The following PARVG variants were observed in gnomAD, a reference collection of about 807,000 sequenced individuals.
PARVG encodes gamma-parvin.
A neutral mutation model predicts 44.4 loss-of-function variants in PARVG; 36 were observed. The ratio of observed to expected loss-of-function variants is 0.81; its 90% CI spans 0.62 to 1.07. The LOEUF (loss-of-function observed/expected upper bound fraction) is 1.07, where lower values mean the gene tolerates loss of function less well. PARVG is among the 50% of genes least tolerant of loss of function. PARVG has a pLI of 0.00. For synonymous variants in PARVG, 170 were observed against 174.1 expected (o/e 0.98, Z 0.19); for missense variants, 407 against 407.4 (o/e 1.00, Z 0.01).
At chr22:44,200,404 G>C (rs1402747169) in intron 12 of PARVG, among the ~76,000 whole-genome samples, 1 of 152,186 alleles carries the variant, frequency 6.6e-6, no homozygotes, top group African/African-American at 2.4e-5. Context: ...CCCCTACTCA[G>C]GCCACACAGG....
intron 2 of PARVG, 53 bp from the exon 3 acceptor site, chr22:44,183,265 G>A (rs1289209571): frequency 6.6e-7 from 1 of 1,509,420 alleles, no homozygotes; most frequent in Non-Finnish European, 8.9e-7. Context: ...GAGGGGCTCA[G>A]TGAGTTTGGG....
intron 3 of PARVG, chr22:44,183,754 G>C: frequency 2.5e-6 from 1 of 402,332 alleles, no homozygotes; most frequent in Non-Finnish European, 4.4e-6. Context: ...GCTTTATACA[G>C]ATGAGGAAAC....
Position 44,192,024 on chromosome 22 carries a change from T to C in PARVG, c.505-25T>C, listed in dbSNP as rs1354024323. ...CCCCAGAGTTTTCTGGATTATTTAA[T>C]TTCTTCCCCCTTTATTTTTCTTAGA... is the stretch of plus-strand genomic sequence containing the variant. On this transcript the variant is annotated intron_variant, in intron 7 of 13. Coordinates refer to ENST00000444313, the MANE Select transcript of PARVG (RefSeq NM_022141.7). The C allele has an allele frequency of 4.3e-6, 7 of 1,612,884 alleles. No homozygotes were observed. In the South Asian group the frequency reaches 7.7e-5, roughly 18 times the overall value.
chr22:44,189,046 G>A, intron 5 of PARVG, 68 bp from the exon 6 acceptor site: 2 of 1,600,448 alleles, frequency 1.2e-6, no homozygotes, highest in Non-Finnish European at 1.7e-6. Flanking sequence ...CAGCCTCCTG[G>A]AGGGTCCCTG....
intron 12 of PARVG, among the ~76,000 whole-genome samples, chr22:44,204,815 C>T (rs937083558): frequency 3.3e-5 from 5 of 152,226 alleles, no homozygotes; most frequent in Non-Finnish European, 5.9e-5. Flanking sequence ...TCACAGTGAA[C>T]CAGGAGTTCA....
Position 44,187,796 on chromosome 22 carries a change from T to A in PARVG, c.165T>A (p.Asn55Lys), listed in dbSNP as rs2054494114. 3 of 1,614,102 alleles carry A rather than the reference T, an allele frequency of 1.9e-6. No homozygotes were observed. ...TGCAGGTGTTGATGGAGTGGATCAA[T>A]GCCACTCTTCTCCCCGAGCACATTG... is the stretch of plus-strand genomic sequence containing the variant. ...ELQKVLMEWI[N>K]ATLLPEHIVV... Residue 55 changes from asparagine (N) to lysine (K), a missense_variant, in exon 5 of 14, where the codon AAT (asparagine) becomes AAA (lysine). Transcript: ENST00000444313.
intron 3 of PARVG, chr22:44,185,527 G>A (rs530907365): frequency 3.1e-6 from 1 of 323,960 alleles, no homozygotes; most frequent in Admixed American, 4.0e-5. Flanking sequence ...TACCTAAATA[G>A]GTAGGGTTGC....
intron 5 of PARVG, 183 bp downstream of exon 5, chr22:44,188,061 TGA>T (rs2054499046): frequency 3.1e-6 from 2 of 646,328 alleles, no homozygotes; most frequent in African/African-American, 1.8e-5. Context: ...AGCCCATGAG[TGA>T]GGGGGCCGAG....
At position 44,183,926 on chromosome 22, in the gene PARVG, C is replaced by T. The variant is rs150898250; in HGVS notation, c.79+518C>T. The T allele has an allele frequency of 5.4e-4, 160 of 295,504 alleles. 1 individual carries two copies. Among genetic ancestry groups the T allele is most frequent in the African/African-American group, 2.2e-3 (104 of 46,274 alleles). The allele number at this position is 295,504 out of a possible 1,614,324, so 18.3% of individuals were successfully genotyped here. A position where few individuals can be genotyped will look rare whatever the true frequency, so the allele number is the denominator to read the frequency against. ...ACTTTGCAGGGTGTGGGGCTCCTGA[C>T]GTGCTCCCCTCACACGTGTGGGTCC... On this transcript the variant is annotated intron_variant, in intron 3 of 13. Coordinates refer to ENST00000444313, the MANE Select transcript of PARVG (RefSeq NM_022141.7).
intron 6 of PARVG, among the ~76,000 whole-genome samples, chr22:44,190,107 C>T (rs530362960): frequency 9.2e-5 from 14 of 152,256 alleles, no homozygotes; most frequent in African/African-American, 2.9e-4. Context: ...TAACAGAGTC[C>T]GTTTTCAAAC....
At chr22:44,202,445 C>A (rs998774613) in intron 12 of PARVG, among the ~76,000 whole-genome samples, 6 of 152,234 alleles carry the variant, frequency 3.9e-5, no homozygotes, top group African/African-American at 1.4e-4. Flanking sequence ...CAATCTGTTG[C>A]ACCATCCAAG....
chr22:44,198,672 T>C lies in PARVG; in HGVS notation c.763T>C (p.Phe255Leu). Reference sequence around the variant, plus strand: ...GCTGATTGGACAACTTGAAGGCTTCTTCCTGCACTTAAAGGAATTCTACCT... The same window carrying C: ...GCTGATTGGACAACTTGAAGGCTTCCTCCTGCACTTAAAGGAATTCTACCT... ...LLLIGQLEGF[F>L]LHLKEFYLTP... The change falls in exon 12 of 14, where the codon TTC (phenylalanine) becomes CTC (leucine). Residue 255 changes from phenylalanine (F) to leucine (L), a missense_variant. By Grantham distance (22) the Phe-to-Leu change is conservative (BLOSUM62 0). Transcript: ENST00000444313. 1 of 1,613,926 alleles carries C rather than the reference T, an allele frequency of 6.2e-7. No individual in the cohort carries two copies. The highest frequency in any genetic ancestry group is 8.5e-7 in the Non-Finnish European group (1 of 1,179,850).
At position 44,192,026 on chromosome 22, in the gene PARVG, TC is replaced by T. The variant is rs573477548; in HGVS notation, c.505-22del. 7.8e-4 allele frequency: 1,253 copies of T among 1,613,084 alleles called. 2 individuals carry two copies. Among genetic ancestry groups the T allele is most frequent in the South Asian group, 1.3e-3 (121 of 91,060 alleles). On this transcript the variant is annotated intron_variant, in intron 7 of 13. Transcript: ENST00000444313. ...CCAGAGTTTTCTGGATTATTTAATTTCTTCCCCCTTTATTTTTCTTAGAGCA... is the reference window on the plus strand; with the variant it reads ...CCAGAGTTTTCTGGATTATTTAATTTTTCCCCCTTTATTTTTCTTAGAGCA...
intron 6 of PARVG, 22 bp downstream of exon 6, chr22:44,189,276 TA>T (rs1355865456): frequency 6.2e-7 from 1 of 1,613,094 alleles, no homozygotes; most frequent in Non-Finnish European, 8.5e-7. Flanking sequence ...ACAACCTGGC[TA>T]CCCCTGGGGA....
intron 5 of PARVG, 123 bp from the exon 6 acceptor site, chr22:44,188,991 G>C (rs1474293202): frequency 1.5e-6 from 2 of 1,343,894 alleles, no homozygotes; most frequent in Non-Finnish European, 2.0e-6. Flanking sequence ...CCAACACCAA[G>C]AATGGGCTCT....
rs1190767728 is a variant in PARVG at position 44,182,468 on chromosome 22, C to T, written c.-13+551C>T. ...TACAGGGCAGGATGGAGTCTGGCAT[C>T]CCCCGCCCCAGGCTGGCTGCTGGTG... is the stretch of plus-strand genomic sequence containing the variant. On this transcript the variant is annotated intron_variant, in intron 2 of 13. Transcript: ENST00000444313. This position sits in a 1 kb window ranked among gnomAD's most constrained non-coding sequence, Gnocchi z 4.6. Among the ~76,000 whole-genome samples, 2 of 152,134 alleles carry T rather than the reference C, an allele frequency of 1.3e-5. No homozygotes were observed. The highest frequency in any genetic ancestry group is 2.9e-5 in the Non-Finnish European group (2 of 68,012).
At chr22:44,179,541 C>T (rs148500042), upstream of PARVG, among the ~76,000 whole-genome samples, 180 of 152,342 alleles carry the variant, frequency 1.2e-3, 1 homozygote, top group Middle Eastern at 0.02. This position sits in a 1 kb window ranked among gnomAD's most constrained non-coding sequence, Gnocchi z 4.2. Flanking sequence ...ATGGAAGCCA[C>T]AACTCTGCCA....
intron 12 of PARVG, among the ~76,000 whole-genome samples, chr22:44,202,376 G>T (rs899372915): frequency 1.9e-4 from 29 of 152,224 alleles, no homozygotes; most frequent in Non-Finnish European, 3.7e-4. Context: ...TGAGGGCCTG[G>T]GGCTCGGAAC....
chr22:44,178,585 T>C (rs928972055), upstream of PARVG, among the ~76,000 whole-genome samples: 16 of 152,332 alleles, frequency 1.1e-4, no homozygotes, highest in Admixed American at 7.2e-4. Flanking sequence ...AGCAGGAAAC[T>C]GTGACCCACA....
Sources: allele counts gnomAD v4.1 joint callset (sites outside exome capture counted in the v4.1 genomes callset), GRCh38; gene constraint gnomAD v4.1.1; non-coding constraint Gnocchi (gnomAD v3.1); transcripts MANE v1.5; gene names NCBI Gene and HGNC (gene_info 2026-07-23, HGNC 2026-07-21).